The following SOD2 variants were observed in gnomAD, a reference collection of about 807,000 sequenced individuals.
SOD2 encodes superoxide dismutase [Mn], mitochondrial.
A neutral mutation model predicts 27.0 loss-of-function variants in SOD2; 11 were observed. That is an observed-to-expected ratio of 0.41 (90% confidence interval 0.26 to 0.67). The LOEUF (loss-of-function observed/expected upper bound fraction) is 0.67. Ranked by LOEUF, SOD2 falls within the 30% of genes least tolerant of loss-of-function variation. SOD2 has a pLI of 0.34. For synonymous variants in SOD2, 105 were observed against 103.0 expected (o/e 1.02, Z -0.12); for missense variants, 250 against 274.5 (o/e 0.91, Z 0.63).
intron 1 of SOD2, chr6:159,755,921 T>A: frequency 3.6e-6 from 1 of 280,242 alleles, no homozygotes; most frequent in East Asian, 8.7e-5. Context: ...AATTTTTCCT[T>A]AAAATACAAC....
exon 1 of SOD2, chr6:159,727,276 C>G (rs1232247571): frequency 5.5e-6 from 7 of 1,282,968 alleles, no homozygotes; most frequent in Non-Finnish European, 7.1e-6. Context: ...CTTTCCTCTC[C>G]TGGCGGGGTT....
chr6:159,701,901 A>AC (rs1418042031), intron 1 of SOD2, among the ~76,000 whole-genome samples: 2 of 152,088 alleles, frequency 1.3e-5, no homozygotes, highest in African/African-American at 2.4e-5. Context: ...AGGATCACCC[A>AC]CCCCGTCAGC....
chr6:159,758,117 T>G (rs1301913181), intron 1 of SOD2, among the ~76,000 whole-genome samples: 1 of 152,298 alleles, frequency 6.6e-6, no homozygotes, highest in Non-Finnish European at 1.5e-5. Context: ...GGTGATAGAG[T>G]GGCTTCTGCA....
At position 159,709,131 on chromosome 6, in the gene SOD2, A is replaced by T. The variant is rs1001848004; in HGVS notation, c.-115-16268T>A. 2.6e-4 allele frequency among the ~76,000 whole-genome samples: 40 copies of T among 152,244 alleles called. 1 individual carries two copies. Among genetic ancestry groups the T allele is most frequent in the Admixed American group, 1.7e-3 (26 of 15,286 alleles). On this transcript the variant is annotated intron_variant, in intron 1 of 2. Transcript: ENST00000401980. ...AAAATTAATTCAAGATGGATTAAAG[A>T]CTTAAATGTTAGACCCAAAACCATA...
intron 1 of SOD2, among the ~76,000 whole-genome samples, chr6:159,704,623 C>A (rs1169537509): frequency 1.3e-5 from 2 of 152,186 alleles, no homozygotes; most frequent in East Asian, 1.9e-4. Context: ...AACAAAGCAG[C>A]CAGGAAGCTC....
chr6:159,709,240 G>C (rs1209680371), intron 1 of SOD2, among the ~76,000 whole-genome samples: 1 of 152,058 alleles, frequency 6.6e-6, no homozygotes, highest in Non-Finnish European at 1.5e-5. Context: ...CAAAAGCAAT[G>C]GCAACAAAAG....
rs1249662015 is a variant in SOD2 at position 159,669,960 on chromosome 6, T to A, written c.*12533A>T. 6.6e-6 allele frequency: 1 copy of A among 152,202 alleles called. No homozygotes were observed. The highest frequency in any genetic ancestry group is 2.4e-5 in the African/African-American group (1 of 41,458). 9.4% of individuals were successfully genotyped at this position (152,202 alleles called of 1,614,324 possible). The stretch of plus-strand genomic sequence containing the variant: ...AATCCATTTACATTCAAAGTTATCA[T>A]CAATAGAGGTGCAGACTTTTTAAAC... On this transcript the variant is annotated 3_prime_UTR_variant, in exon 5 of 5. Coordinates refer to ENST00000538183, the MANE Select transcript of SOD2 (RefSeq NM_000636.4).
At chr6:159,735,178 G>T (rs1778829063) in intron 1 of SOD2, among the ~76,000 whole-genome samples, 1 of 152,154 alleles carries the variant, frequency 6.6e-6, no homozygotes, top group Non-Finnish European at 1.5e-5. Context: ...AGTCTCTGTT[G>T]CCCAGGCTGG....
intron 1 of SOD2, among the ~76,000 whole-genome samples, chr6:159,714,424 A>G (rs1777889160): frequency 6.6e-6 from 1 of 152,062 alleles, no homozygotes; most frequent in Admixed American, 6.5e-5. Flanking sequence ...ACATTCCATC[A>G]GTCCCTTCTC....
At chr6:159,727,508 C>T (rs965436014), upstream of SOD2, 3 of 992,434 alleles carry the variant, frequency 3.0e-6, no homozygotes, top group Middle Eastern at 5.1e-4. Context: ...CTGGTTTCCT[C>T]CCTCAGCGCC....
chr6:159,737,258 A>G (rs1441717709), intron 1 of SOD2, among the ~76,000 whole-genome samples: 2 of 152,162 alleles, frequency 1.3e-5, no homozygotes, highest in Non-Finnish European at 2.9e-5. Context: ...CATGTTGCCC[A>G]GGCTGGTCTC....
intron 4 of SOD2, among the ~76,000 whole-genome samples, 186 bp downstream of exon 4, chr6:159,684,668 G>C (rs559072728): frequency 1.6e-4 from 25 of 152,174 alleles, no homozygotes; most frequent in Middle Eastern, 6.8e-3. Context: ...AAAATTACGT[G>C]TACTTAATTT....
At chr6:159,706,533 A>G (rs1777630215) in intron 1 of SOD2, among the ~76,000 whole-genome samples, 2 of 152,204 alleles carry the variant, frequency 1.3e-5, no homozygotes, top group African/African-American at 2.4e-5. Context: ...GCCATTACAT[A>G]ATGGTAAAGG....
exon 1 of SOD2, chr6:159,762,210 G>A (rs1780153709): frequency 1.9e-6 from 3 of 1,539,320 alleles, no homozygotes; most frequent in Non-Finnish European, 2.6e-6. Flanking sequence ...GCCGAGGGCC[G>A]GACTTGTGTA....
chr6:159,727,210 C>T, exon 1 of SOD2: 5 of 1,254,664 alleles, frequency 4.0e-6, no homozygotes, highest in South Asian at 2.6e-5. Flanking sequence ...GGAGCAGCTG[C>T]TCCATTGTGC....
At position 159,755,765 on chromosome 6, in the gene SOD2, C is replaced by CTTTTTT; in HGVS notation, c.-336+5266_-336+5271dup. On this transcript the variant is annotated intron_variant, in intron 1 of 7. Coordinates refer to the SOD2 transcript ENST00000546087. ...TTTTTCTTTGTTTTTTTTTTCTTTTCTTTTTTTTTTTTTTTTTTTTTTTTT... is the reference window on the plus strand; with the variant it reads ...TTTTTCTTTGTTTTTTTTTTCTTTTCTTTTTTTTTTTTTTTTTTTTTTTTTTTTTTT... The CTTTTTT allele has an allele frequency of 5.8e-3, 1,013 of 173,456 alleles. 74 individuals are homozygous for CTTTTTT. The highest frequency in any genetic ancestry group is 0.018 in the African/African-American group (212 of 11,470). The allele number at this position is 173,456 out of a possible 1,614,324, so 10.7% of individuals were successfully genotyped here.
chr6:159,699,894 T>C (rs1363745181), intron 1 of SOD2, among the ~76,000 whole-genome samples: 1 of 152,154 alleles, frequency 6.6e-6, no homozygotes, highest in Non-Finnish European at 1.5e-5. Context: ...CATGCCAGAT[T>C]GTGGTCCACT....
chr6:159,719,725 T>C lies in SOD2; in HGVS notation c.-116+7404A>G, dbSNP rs1277054355. ...AACTCAGTATTATGGTTTTTTCTTT[T>C]ATTTTCTTTTTTTTTTTTGAGAGAG... On this transcript the variant is annotated intron_variant, in intron 1 of 2. Transcript: ENST00000401980. Among the ~76,000 whole-genome samples the C allele has an allele frequency of 6.3e-5, 6 of 95,202 alleles. No homozygotes were observed. In the East Asian group the frequency reaches 1.6e-3, roughly 25 times the overall value. 62.5% of individuals were successfully genotyped at this position (95,202 alleles called of 152,430 possible).
At chr6:159,700,066 C>T (rs1451937855) in intron 1 of SOD2, among the ~76,000 whole-genome samples, 2 of 152,220 alleles carry the variant, frequency 1.3e-5, no homozygotes, top group Non-Finnish European at 2.9e-5. Flanking sequence ...TAAAATAAAA[C>T]TTCATTTTCA....
Sources: allele counts gnomAD v4.1 joint callset (sites outside exome capture counted in the v4.1 genomes callset), GRCh38; gene constraint gnomAD v4.1.1; transcripts MANE v1.5; gene names NCBI Gene and HGNC (gene_info 2026-07-23, HGNC 2026-07-21).